Variants in CRTC1 observed in about 807,000 individuals in gnomAD.
CRTC1 encodes the protein CREB-regulated transcription coactivator 1.
In CRTC1, 18 loss-of-function variants were observed where a neutral mutation model predicts 66.1. That is an observed-to-expected ratio of 0.27 (90% CI 0.19 to 0.40). CRTC1 has a LOEUF of 0.40. CRTC1 is among the 10% of genes least tolerant of loss of function. The pLI, the probability that CRTC1 is intolerant of heterozygous loss-of-function variation, is 1.00. For missense variants in CRTC1, 669 were observed against 887.9 expected (o/e 0.75, Z 3.13); for synonymous variants, 416 against 398.8 (o/e 1.04, Z -0.51).
At chr19:18,742,163 A>T (rs1231710104) in intron 1 of CRTC1, among the ~76,000 whole-genome samples, 1 of 152,130 alleles carries the variant, frequency 6.6e-6, no homozygotes, top group Non-Finnish European at 1.5e-5. Context: ...CATCAGCCAC[A>T]TGAAGGGGAG....
intron 1 of CRTC1, among the ~76,000 whole-genome samples, chr19:18,693,924 A>G (rs1319204308): frequency 6.6e-6 from 1 of 152,040 alleles, no homozygotes; most frequent in Non-Finnish European, 1.5e-5. Flanking sequence ...ACCTGAGGTC[A>G]GGAGTTCGAG....
chr19:18,688,489 A>G (rs987824508), intron 1 of CRTC1, among the ~76,000 whole-genome samples: 2 of 151,780 alleles, frequency 1.3e-5, no homozygotes, highest in African/African-American at 2.4e-5. Context: ...CCCAGGCTGG[A>G]GTGTGGTGGT....
At chr19:18,687,695 G>C (rs560494497) in intron 1 of CRTC1, among the ~76,000 whole-genome samples, 1 of 152,276 alleles carries the variant, frequency 6.6e-6, no homozygotes, top group South Asian at 2.1e-4. Context: ...TCACTCATGC[G>C]TGTCTGTTCA....
chr19:18,776,642 A>C (rs1265692159), intron 13 of CRTC1, among the ~76,000 whole-genome samples: 1 of 152,212 alleles, frequency 6.6e-6, no homozygotes, highest in Non-Finnish European at 1.5e-5. Context: ...TGACCCCCGC[A>C]ATGGCCTCAA....
At chr19:18,727,437 TG>T (rs1394818088) in intron 1 of CRTC1, among the ~76,000 whole-genome samples, 2 of 150,516 alleles carry the variant, frequency 1.3e-5, no homozygotes, top group Non-Finnish European at 3.0e-5. Context: ...AAAAATTAGT[TG>T]GGTATGGTGG....
At chr19:18,715,426 C>A (rs1432224516) in intron 1 of CRTC1, among the ~76,000 whole-genome samples, 2 of 152,244 alleles carry the variant, frequency 1.3e-5, no homozygotes, top group Non-Finnish European at 2.9e-5. Flanking sequence ...AAGGCCCTTG[C>A]CATTGGATTA....
At chr19:18,729,123 C>G (rs1413992853) in intron 1 of CRTC1, among the ~76,000 whole-genome samples, 2 of 138,634 alleles carry the variant, frequency 1.4e-5, no homozygotes, top group East Asian at 2.7e-4. Flanking sequence ...GCCTTGTTTT[C>G]TTTAGAAGTT....
intron 1 of CRTC1, among the ~76,000 whole-genome samples, chr19:18,696,526 C>T (rs1194849120): frequency 6.6e-6 from 1 of 152,152 alleles, no homozygotes; most frequent in Non-Finnish European, 1.5e-5. Flanking sequence ...AATTGAGGCA[C>T]AGGAGGTCAC....
intron 1 of CRTC1, among the ~76,000 whole-genome samples, chr19:18,687,108 C>T (rs1004384312): frequency 1.3e-5 from 2 of 151,218 alleles, no homozygotes; most frequent in Non-Finnish European, 2.9e-5. Flanking sequence ...CTCTGCCTCC[C>T]GAGTTCAAGT....
At chr19:18,731,491 C>A (rs779201712) in intron 1 of CRTC1, among the ~76,000 whole-genome samples, 10 of 152,192 alleles carry the variant, frequency 6.6e-5, no homozygotes, top group Non-Finnish European at 1.0e-4. Context: ...TTTCAAGATC[C>A]CGCACTAATT....
chr19:18,713,235 G>C (rs949065489), intron 1 of CRTC1, among the ~76,000 whole-genome samples: 1 of 152,154 alleles, frequency 6.6e-6, no homozygotes, highest in African/African-American at 2.4e-5. Context: ...GAGCACATCT[G>C]GCTGAAGCAC....
chr19:18,695,057 G>A (rs1397927597), intron 1 of CRTC1, among the ~76,000 whole-genome samples: 1 of 152,090 alleles, frequency 6.6e-6, no homozygotes, highest in African/African-American at 2.4e-5. Context: ...TTTTAGTAGA[G>A]ATGAGGTTTC....
Position 18,753,564 on chromosome 19 carries a change from G to A in CRTC1, c.603G>A (p.Lys201=), listed in dbSNP as rs768521639. 7 of 1,612,296 alleles carry A rather than the reference G, an allele frequency of 4.3e-6. No homozygotes were observed. The South Asian group carries it at 7.7e-5, about 18-fold the overall frequency. Reference sequence around the variant, plus strand: ...CAGAGGCAGACAAAAACCTTTCCAAGCAAGCATGGGACACCAAGAAGGTAA... The same window carrying A: ...CAGAGGCAGACAAAAACCTTTCCAAACAAGCATGGGACACCAAGAAGGTAA... The part of the protein sequence containing the change: ...TTSEADKNLS[K]QAWDTKKTGS... The change falls in exon 6 of 14, where the codon AAG becomes AAA. Residue 201 remains lysine (K), a synonymous_variant. Coordinates refer to ENST00000321949, the MANE Select transcript of CRTC1 (RefSeq NM_015321.3).
chr19:18,728,628 C>G (rs997446994), intron 1 of CRTC1, among the ~76,000 whole-genome samples: 18 of 151,926 alleles, frequency 1.2e-4, no homozygotes, highest in African/African-American at 4.1e-4. Flanking sequence ...GCCTCAGCCT[C>G]CTGAGTAGCT....
At chr19:18,716,485 C>G (rs1418982739) in intron 1 of CRTC1, among the ~76,000 whole-genome samples, 1 of 152,178 alleles carries the variant, frequency 6.6e-6, no homozygotes, top group East Asian at 1.9e-4. Context: ...CTCCTGACCT[C>G]ATGATCCACC....
At chr19:18,690,250 A>C (rs1600743409) in intron 1 of CRTC1, among the ~76,000 whole-genome samples, 3 of 151,744 alleles carry the variant, frequency 2.0e-5, no homozygotes, top group African/African-American at 7.3e-5. Flanking sequence ...GAAGGAGGGC[A>C]CTCTCCTGCT....
chr19:18,706,180 G>GTGTTTT, intron 1 of CRTC1, among the ~76,000 whole-genome samples: 1 of 26,360 alleles, frequency 3.8e-5, no homozygotes. Flanking sequence ...TATTCCATTG[G>GTGTTTT]TCTTTTTTTT....
chr19:18,764,939 C>T (rs1259196197), intron 8 of CRTC1, among the ~76,000 whole-genome samples: 1 of 152,216 alleles, frequency 6.6e-6, no homozygotes, highest in Non-Finnish European at 1.5e-5. Flanking sequence ...CAAAAAAAAC[C>T]ATTTATTGTC....
In CRTC1 at chr19:18,745,935, T is replaced by C. The variant is rs756433743; in HGVS notation, c.356T>C (p.Leu119Pro). 1.7e-5 allele frequency: 27 copies of C among 1,612,056 alleles called. No individual in the cohort carries two copies. Among genetic ancestry groups the C allele is most frequent in the Non-Finnish European group, 1.5e-5 (18 of 1,179,074 alleles). The change falls in exon 3 of 14, where the codon CTG becomes CCG. Residue 119 changes from leucine to proline, a missense_variant. Leu to Pro is a moderately conservative substitution (Grantham distance 98). Around this residue, in one of 8 missense-constraint regions of CRTC1, gnomAD observed 214 missense variants for 323.4 expected, o/e 0.66. Transcript: ENST00000321949. ...GRLGSPHRRPLSVDKHGRQAD... is the reference protein window; with the variant it reads ...GRLGSPHRRPPSVDKHGRQAD... ...CTCGGCTCCCCACACCGCCGGCCCCTGTCAGTGGACAAACACGGACGGCAG... is the reference window on the plus strand; with the variant it reads ...CTCGGCTCCCCACACCGCCGGCCCCCGTCAGTGGACAAACACGGACGGCAG...
Sources: gnomAD v4.1 joint callset for allele counts (sites outside exome capture counted in the v4.1 genomes callset) on GRCh38, gnomAD v4.1.1 for gene constraint, gnomAD v4.1.1 regional missense constraint, MANE v1.5 for transcripts, NCBI Gene and HGNC (gene_info 2026-07-23, HGNC 2026-07-21) for gene names.